TATDN3: variants seen among roughly 807,000 people sequenced by gnomAD.
TATDN3 encodes the protein TatD DNase domain containing 3.
TATDN3 carries 29 observed loss-of-function variants against 40.1 expected under a neutral mutation model. That is an observed-to-expected ratio of 0.72 (90% confidence interval 0.54 to 0.99). TATDN3 has a LOEUF of 0.99. TATDN3 is among the 50% of genes least tolerant of loss of function. The pLI, the probability that TATDN3 is intolerant of heterozygous loss-of-function variation, is 0.00. For missense variants in TATDN3, 309 were observed against 321.9 expected (o/e 0.96, Z 0.31); for synonymous variants, 105 against 117.0 (o/e 0.90, Z 0.66).
At chr1:212,792,254 C>T (rs1661358810) in intron 1 of TATDN3, among the ~76,000 whole-genome samples, 1 of 152,328 alleles carries the variant, frequency 6.6e-6, no homozygotes, top group Non-Finnish European at 1.5e-5. Flanking sequence ...CCTCACTCCC[C>T]TTGGCTGGCC....
At chr1:212,811,911 C>G (rs1662910278) in intron 8 of TATDN3, among the ~76,000 whole-genome samples, 1 of 152,088 alleles carries the variant, frequency 6.6e-6, no homozygotes, top group Non-Finnish European at 1.5e-5. Flanking sequence ...CCATGTTGGC[C>G]AGGCTAGTCT....
rs192853410 is a variant in TATDN3 at position 212,816,042 on chromosome 1, A to C, written c.*886A>C. ...CAGTGGTTTAAACAATCATTATTGA[A>C]TACCAAGCCCAAAAGTTTAGTTAAT... On this transcript the variant is annotated 3_prime_UTR_variant, in exon 10 of 10. Transcript: ENST00000366974. The C allele has an allele frequency of 6.6e-6, 1 of 152,210 alleles. No individual in the cohort carries two copies. Among genetic ancestry groups the C allele is most frequent in the Non-Finnish European group, 1.5e-5 (1 of 68,036 alleles). 9.4% of individuals were successfully genotyped at this position (152,210 alleles called of 1,614,324 possible). A position where few individuals can be genotyped will look rare whatever the true frequency, so the allele number is the denominator to read the frequency against.
rs1430919565 is a variant in TATDN3, at chr1:212,806,767, TATATATATATATATATAC to T, written c.488-967_488-950del. The stretch of plus-strand genomic sequence containing the variant: ...CTCTCCATATATATATATATATATA[TATATATATATATATATAC>T]ACACACACACACACATATATACACA... On this transcript the variant is annotated intron_variant, in intron 7 of 9. Coordinates refer to ENST00000366974, the MANE Select transcript of TATDN3 (RefSeq NM_001042552.3). Among the ~76,000 whole-genome samples the T allele has an allele frequency of 1.0e-3, 120 of 115,470 alleles. 11 individuals are homozygous for T. Among genetic ancestry groups the T allele is most frequent in the African/African-American group, 3.3e-3 (106 of 32,482 alleles). The allele number at this position is 115,470 out of a possible 152,430, so 75.8% of individuals were successfully genotyped here.
intron 8 of TATDN3, among the ~76,000 whole-genome samples, chr1:212,811,731 C>T (rs1409307508): frequency 1.3e-5 from 2 of 150,816 alleles, no homozygotes; most frequent in Non-Finnish European, 2.9e-5. Flanking sequence ...GAGATGGAGT[C>T]TTGCTCTGCT....
At chr1:212,792,875 A>G (rs538855120) in intron 1 of TATDN3, 4 of 152,298 alleles carry the variant, frequency 2.6e-5, no homozygotes, top group African/African-American at 9.6e-5. Context: ...TACGTGGGAA[A>G]CTAGAGACTA....
At chr1:212,796,659 A>G (rs1427670018) in intron 3 of TATDN3, 69 bp downstream of exon 3, 17 of 1,096,700 alleles carry the variant, frequency 1.6e-5, no homozygotes, top group Non-Finnish European at 2.1e-5. Context: ...AGTTTATAAT[A>G]TCAAAGATCC....
chr1:212,794,230 G>T (rs565719626), intron 1 of TATDN3, among the ~76,000 whole-genome samples: 1 of 150,634 alleles, frequency 6.6e-6, no homozygotes, highest in African/African-American at 2.5e-5. Flanking sequence ...GCAGTGAGCC[G>T]AGATCGTGAC....
At position 212,807,659 on chromosome 1, in the gene TATDN3, A is replaced by AAC; in HGVS notation, c.488-76_488-75insCA. On this transcript the variant is annotated intron_variant, in intron 7 of 9. Coordinates refer to ENST00000366974, the MANE Select transcript of TATDN3 (RefSeq NM_001042552.3). ...TATCCTAGTGACCAACATTTACTTA[A>AAC]AATTTCAGACTTCTGTTATTTAATT... 2.6e-6 allele frequency: 3 copies of AAC among 1,173,672 alleles called. No individual in the cohort carries two copies. In the South Asian group the frequency reaches 4.4e-5, roughly 17 times the overall value. 72.7% of individuals were successfully genotyped at this position (1,173,672 alleles called of 1,614,324 possible). A position where few individuals can be genotyped will look rare whatever the true frequency, so the allele number is the denominator to read the frequency against.
At chr1:212,799,333 A>C (rs78641847) in intron 4 of TATDN3, among the ~76,000 whole-genome samples, 3,471 of 152,296 alleles carry the variant, frequency 0.023, 63 homozygotes, top group South Asian at 0.042. Flanking sequence ...CCCTTGGCTA[A>C]GGTATGAAGA....
At chr1:212,794,844 A>G in intron 1 of TATDN3, 1 of 615,346 alleles carries the variant, frequency 1.6e-6, no homozygotes, top group Non-Finnish European at 3.0e-6. Context: ...GAGTAGAGTA[A>G]GATGAGGACA....
rs547820714 is a variant in TATDN3, at chr1:212,799,314, A to G, written c.258+2118A>G. On this transcript the variant is annotated intron_variant, in intron 4 of 9. Coordinates refer to ENST00000366974, the MANE Select transcript of TATDN3 (RefSeq NM_001042552.3). ...TCTGGCCAAAATGAGTTTGGTGAAG[A>G]AAAAAAACCCCTTGGCTAAGGTATG... Among the ~76,000 whole-genome samples, 160 of 152,116 alleles carry G rather than the reference A, an allele frequency of 1.1e-3. 1 individual carries two copies. Among genetic ancestry groups the G allele is most frequent in the Non-Finnish European group, 2.1e-3 (140 of 68,012 alleles).
At chr1:212,799,255 G>T (rs1662018905) in intron 4 of TATDN3, among the ~76,000 whole-genome samples, 2 of 152,166 alleles carry the variant, frequency 1.3e-5, no homozygotes, top group African/African-American at 4.8e-5. Context: ...GAAGTACCAA[G>T]ACGTAATTTA....
chr1:212,796,572 T>C lies in TATDN3; in HGVS notation c.155T>C (p.Ile52Thr). The C allele has an allele frequency of 6.3e-7, 1 of 1,579,116 alleles. No homozygotes were observed. Among genetic ancestry groups the C allele is most frequent in the East Asian group, 2.3e-5 (1 of 43,898 alleles). ...VAEHSGEFEKIMQLSERYNGF... is the reference protein window; with the variant it reads ...VAEHSGEFEKTMQLSERYNGF... Reference sequence around the variant, plus strand: ...GAACATTCAGGAGAATTTGAAAAGATTATGCAACTTTCAGAAAGGTGCTAC... The same window carrying C: ...GAACATTCAGGAGAATTTGAAAAGACTATGCAACTTTCAGAAAGGTGCTAC... The change falls in exon 3 of 10, where the codon ATT (isoleucine) becomes ACT (threonine). Residue 52 changes from isoleucine (I) to threonine (T), a missense_variant. Coordinates refer to ENST00000366974, the MANE Select transcript of TATDN3 (RefSeq NM_001042552.3).
At chr1:212,794,595 A>C in intron 1 of TATDN3, 1 of 340,212 alleles carries the variant, frequency 2.9e-6, no homozygotes. Context: ...CATCTCAAAA[A>C]AAAGAAAAAA....
At chr1:212,806,215 C>T (rs1233441598) in intron 7 of TATDN3, among the ~76,000 whole-genome samples, 1 of 152,088 alleles carries the variant, frequency 6.6e-6, no homozygotes, top group African/African-American at 2.4e-5. Flanking sequence ...CACTTAGTTC[C>T]CCATTTCTTC....
intron 8 of TATDN3, among the ~76,000 whole-genome samples, chr1:212,810,511 C>CAAAAAAAA (rs55912631): frequency 8.0e-5 from 4 of 49,718 alleles, no homozygotes; most frequent in African/African-American, 2.5e-4. Context: ...GACTCTGTCT[C>CAAAAAAAA]AAAAAAAAAA....
intron 7 of TATDN3, among the ~76,000 whole-genome samples, chr1:212,805,618 A>G (rs1662414617): frequency 2.0e-5 from 3 of 152,182 alleles, no homozygotes; most frequent in Admixed American, 2.0e-4. Flanking sequence ...TAAAAAAAAG[A>G]AGGGCAATCA....
intron 7 of TATDN3, among the ~76,000 whole-genome samples, chr1:212,804,988 G>T (rs1452896951): frequency 6.6e-6 from 1 of 152,154 alleles, no homozygotes; most frequent in Admixed American, 6.5e-5. Flanking sequence ...TTGAGACGGA[G>T]TCTCACTCTG....
At chr1:212,808,429 AAAAC>A (rs769129018) in intron 8 of TATDN3, among the ~76,000 whole-genome samples, 7 of 152,186 alleles carry the variant, frequency 4.6e-5, no homozygotes, top group African/African-American at 7.2e-5. Context: ...ACCAAAGAAA[AAAAC>A]AAATTTATTG....
Sources: gnomAD v4.1 joint callset for allele counts (sites outside exome capture counted in the v4.1 genomes callset) on GRCh38, gnomAD v4.1.1 for gene constraint, MANE v1.5 for transcripts, NCBI Gene and HGNC (gene_info 2026-07-23, HGNC 2026-07-21) for gene names.